CRPPA: variants seen among roughly 807,000 people sequenced by gnomAD.
CRPPA encodes D-ribitol-5-phosphate cytidylyltransferase.
A neutral mutation model predicts 52.0 loss-of-function variants in CRPPA; 43 were observed. The observed-to-expected ratio is 0.83, with a 90% CI of 0.65 to 1.07. The LOEUF (loss-of-function observed/expected upper bound fraction) is 1.07. CRPPA is among the 50% of genes least tolerant of loss of function. The pLI, the probability that CRPPA is intolerant of heterozygous loss-of-function variation, is 0.00. For synonymous variants in CRPPA, 250 were observed against 203.5 expected (o/e 1.23, Z -1.94); for missense variants, 629 against 551.7 (o/e 1.14, Z -1.40).
intron 9 of CRPPA, among the ~76,000 whole-genome samples, chr7:16,106,828 G>C (rs922236821): frequency 6.6e-6 from 1 of 152,008 alleles, no homozygotes; most frequent in Non-Finnish European, 1.5e-5. Flanking sequence ...CTGAAGAAGA[G>C]AATTCAGAAT....
chr7:16,220,393 A>T (rs1359561490), intron 8 of CRPPA, among the ~76,000 whole-genome samples: 1 of 90,838 alleles, frequency 1.1e-5, no homozygotes, highest in Non-Finnish European at 2.1e-5. Context: ...CAAGACAGGG[A>T]TGCCCTCTCT....
intron 9 of CRPPA, among the ~76,000 whole-genome samples, chr7:16,108,082 A>G (rs1407312327): frequency 6.6e-6 from 1 of 152,044 alleles, no homozygotes; most frequent in African/African-American, 2.4e-5. Context: ...AAAATACAGT[A>G]TCTACAAAAT....
At chr7:16,301,012 T>G (rs1784779694) in intron 5 of CRPPA, among the ~76,000 whole-genome samples, 1 of 152,192 alleles carries the variant, frequency 6.6e-6, no homozygotes, top group South Asian at 2.1e-4. Flanking sequence ...ATTTCTCCAG[T>G]TAGGAAAAAC....
intron 9 of CRPPA, among the ~76,000 whole-genome samples, chr7:16,213,094 A>G (rs1037231914): frequency 5.3e-5 from 8 of 152,198 alleles, no homozygotes; most frequent in Non-Finnish European, 1.2e-4. Flanking sequence ...AGGTATTTTC[A>G]CATTTCAACA....
chr7:16,398,082 T>C (rs890196900), intron 2 of CRPPA, among the ~76,000 whole-genome samples: 58 of 151,850 alleles, frequency 3.8e-4, no homozygotes, highest in African/African-American at 1.4e-3. Context: ...GATTGACACG[T>C]GAACAATAAC....
intron 9 of CRPPA, among the ~76,000 whole-genome samples, chr7:16,137,806 C>T (rs796068696): frequency 1.2e-4 from 18 of 152,222 alleles, no homozygotes; most frequent in African/African-American, 3.6e-4. Context: ...AACAATTCAG[C>T]ACCAGACTTA....
intron 2 of CRPPA, among the ~76,000 whole-genome samples, chr7:16,392,864 C>T (rs1247250392): frequency 6.6e-6 from 1 of 152,126 alleles, no homozygotes; most frequent in African/African-American, 2.4e-5. Context: ...TCACAATATT[C>T]TCTTTCCACC....
intron 9 of CRPPA, among the ~76,000 whole-genome samples, chr7:16,126,088 T>G (rs565444776): frequency 3.9e-4 from 60 of 152,136 alleles, no homozygotes; most frequent in African/African-American, 1.1e-3. Flanking sequence ...TAAAAGCCAA[T>G]ACTGGGTTTA....
chr7:16,161,090 C>A (rs1343108073), intron 9 of CRPPA, among the ~76,000 whole-genome samples: 1 of 152,086 alleles, frequency 6.6e-6, no homozygotes, highest in African/African-American at 2.4e-5. Flanking sequence ...TCTCCATTGT[C>A]TCATATACAA....
chr7:16,146,986 A>G (rs910889665), intron 9 of CRPPA, among the ~76,000 whole-genome samples: 3 of 152,224 alleles, frequency 2.0e-5, no homozygotes, highest in African/African-American at 7.2e-5. Flanking sequence ...GATTTTAAAA[A>G]TAAGATCCAA....
chr7:16,324,369 T>C (rs1785330993), intron 3 of CRPPA, among the ~76,000 whole-genome samples: 1 of 152,242 alleles, frequency 6.6e-6, no homozygotes, highest in Non-Finnish European at 1.5e-5. Flanking sequence ...GTTGAGATCA[T>C]TTCATTTGTT....
chr7:16,321,869 G>T (rs991660216), intron 3 of CRPPA, among the ~76,000 whole-genome samples: 1 of 152,038 alleles, frequency 6.6e-6, no homozygotes. Context: ...AATTTGCCAG[G>T]CAATATACTA....
At chr7:16,161,535 A>C (rs1168590769) in intron 9 of CRPPA, among the ~76,000 whole-genome samples, 1 of 152,188 alleles carries the variant, frequency 6.6e-6, no homozygotes, top group Admixed American at 6.5e-5. Flanking sequence ...GGATGAAGCC[A>C]ACTTGATCAT....
intron 5 of CRPPA, among the ~76,000 whole-genome samples, chr7:16,284,063 A>T (rs1274348312): frequency 6.6e-6 from 1 of 152,100 alleles, no homozygotes; most frequent in Admixed American, 6.6e-5. Flanking sequence ...ATGCAGAGTC[A>T]AATTTTCTTT....
intron 3 of CRPPA, among the ~76,000 whole-genome samples, chr7:16,365,490 A>C (rs1254021663): frequency 6.6e-6 from 1 of 152,208 alleles, no homozygotes; most frequent in Non-Finnish European, 1.5e-5. Flanking sequence ...AAAATGAAAC[A>C]ATGTGGTAGT....
chr7:16,102,382 A>T (rs1782064105), intron 9 of CRPPA, among the ~76,000 whole-genome samples: 1 of 152,214 alleles, frequency 6.6e-6, no homozygotes, highest in Admixed American at 6.5e-5. Flanking sequence ...AATACCATTC[A>T]GGACACAGGC....
chr7:16,123,572 T>A (rs936781496), intron 9 of CRPPA, among the ~76,000 whole-genome samples: 1 of 152,172 alleles, frequency 6.6e-6, no homozygotes, highest in Non-Finnish European at 1.5e-5. Context: ...CCACCCAACA[T>A]GCTAGGCCAC....
chr7:16,336,042 T>C (rs1785671302), intron 3 of CRPPA, among the ~76,000 whole-genome samples: 1 of 152,098 alleles, frequency 6.6e-6, no homozygotes, highest in South Asian at 2.1e-4. Flanking sequence ...TGAAAGATAA[T>C]TAAAAATTTT....
At chr7:16,193,604 G>A (rs1781661593) in intron 9 of CRPPA, among the ~76,000 whole-genome samples, 1 of 151,744 alleles carries the variant, frequency 6.6e-6, no homozygotes, top group African/African-American at 2.4e-5. Context: ...TATAAGCTTG[G>A]GAAGAAATCA....
Sources: allele counts gnomAD v4.1 joint callset (sites outside exome capture counted in the v4.1 genomes callset), GRCh38; gene constraint gnomAD v4.1.1; transcripts MANE v1.5; gene names NCBI Gene and HGNC (gene_info 2026-07-23, HGNC 2026-07-21).